The following CASK variants were observed in gnomAD, a reference collection of about 807,000 sequenced individuals.
CASK encodes calcium/calmodulin dependent serine protein kinase.
Under a neutral mutation model 82.9 loss-of-function variants are expected in CASK, and 4 were observed. The observed-to-expected ratio is 0.05, with a 90% CI of 0.02 to 0.11. The LOEUF (loss-of-function observed/expected upper bound fraction) is 0.11. Among genes scored for constraint, CASK ranks in the 10% least tolerant of loss-of-function variants. The probability of loss-of-function intolerance (pLI) is 1.00; values close to 1 mark genes in which losing one functional copy is unlikely to be tolerated. For synonymous variants in CASK, 259 were observed against 253.5 expected, an observed-to-expected ratio of 1.02 and a Z score of -0.20; for missense variants, 358 against 720.9, an observed-to-expected ratio of 0.50 and a Z score of 5.76.
chrX:41,803,800 A>T (rs2070054243), intron 2 of CASK, among the ~76,000 whole-genome samples: 1 of 111,713 alleles, frequency 9.0e-6, no homozygotes, highest in Non-Finnish European at 1.9e-5. Flanking sequence ...CATAGCAAAA[A>T]GGCAATAACT....
chrX:41,692,743 C>A (rs971345630), intron 5 of CASK, among the ~76,000 whole-genome samples: 7 of 111,989 alleles, frequency 6.3e-5, no homozygotes, highest in African/African-American at 2.3e-4. Context: ...CCAGGTGAGA[C>A]CCTACCAGCC....
intron 22 of CASK, among the ~76,000 whole-genome samples, chrX:41,536,265 C>T (rs2064872655): frequency 9.0e-6 from 1 of 110,751 alleles, no homozygotes; most frequent in Non-Finnish European, 1.9e-5. Flanking sequence ...CCTGCCATTA[C>T]GCCCAGACAA....
intron 2 of CASK, among the ~76,000 whole-genome samples, chrX:41,814,948 A>T (rs181157120): frequency 9.0e-6 from 1 of 111,261 alleles, no homozygotes; most frequent in East Asian, 2.8e-4. Context: ...TGAGTACCAA[A>T]TGAGAGCCTG....
intron 15 of CASK, among the ~76,000 whole-genome samples, chrX:41,574,796 T>C (rs1201073770): frequency 8.9e-6 from 1 of 111,988 alleles, no homozygotes; most frequent in Non-Finnish European, 1.9e-5. Context: ...TCTTTTATTT[T>C]TCACTAGAGA....
intron 4 of CASK, among the ~76,000 whole-genome samples, chrX:41,743,933 C>T (rs1383527261): frequency 9.1e-6 from 1 of 110,018 alleles, no homozygotes; most frequent in African/African-American, 3.3e-5. Context: ...CATGGTGAAA[C>T]CCCATCTCTA....
intron 16 of CASK, chrX:41,561,894 G>C: frequency 3.1e-6 from 1 of 323,019 alleles, no homozygotes; most frequent in Non-Finnish European, 5.4e-6. Flanking sequence ...GAGAGAGGTG[G>C]TATGTATAGT....
chrX:41,907,199 C>T (rs1015237951), intron 1 of CASK, among the ~76,000 whole-genome samples: 32 of 112,339 alleles, frequency 2.8e-4, no homozygotes, highest in African/African-American at 9.4e-4. Flanking sequence ...AACAAACTCA[C>T]CAGTAATATA....
At chrX:41,725,149 A>G (rs1302991148) in intron 5 of CASK, among the ~76,000 whole-genome samples, 1 of 112,023 alleles carries the variant, frequency 8.9e-6, no homozygotes, top group African/African-American at 3.2e-5. Context: ...AAAAATAGCA[A>G]AGAAATAAAA....
At chrX:41,732,552 C>T (rs2068415797) in intron 5 of CASK, among the ~76,000 whole-genome samples, 1 of 110,705 alleles carries the variant, frequency 9.0e-6, no homozygotes, top group Non-Finnish European at 1.9e-5. Context: ...TTCAATCCAG[C>T]AGCCTAATGC....
chrX:41,692,156 G>A (rs991437375), intron 5 of CASK, among the ~76,000 whole-genome samples: 1 of 112,243 alleles, frequency 8.9e-6, no homozygotes, highest in Admixed American at 9.5e-5. Context: ...TTAACACAGT[G>A]TCTGGTACAC....
chrX:41,530,992 G>C lies in CASK; in HGVS notation c.2520+15C>G. 1 of 1,196,540 alleles carries C rather than the reference G, an allele frequency of 8.4e-7. No individual in the cohort carries two copies. The highest frequency in any genetic ancestry group is 1.1e-6 in the Non-Finnish European group (1 of 881,873). ...GCAGGCAGGATGTCAGACATTCGGGGAGGCTGGGCATTACCTGAGGCTCCA... is the reference window on the plus strand; with the variant it reads ...GCAGGCAGGATGTCAGACATTCGGGCAGGCTGGGCATTACCTGAGGCTCCA... On this transcript the variant is annotated intron_variant, in intron 25 of 26. Coordinates refer to ENST00000378163, the MANE Select transcript of CASK (RefSeq NM_001367721.1).
At chrX:41,858,506 C>A (rs1019690557) in intron 1 of CASK, among the ~76,000 whole-genome samples, 1 of 111,544 alleles carries the variant, frequency 9.0e-6, no homozygotes, top group Non-Finnish European at 1.9e-5. Context: ...CAGTGCCCCC[C>A]ACCAAATTCC....
Position 41,518,030 on chromosome X carries a change from G to T in CASK, c.*2390C>A. ...TTCTCAGAGGACGTATAAAGCCACT[G>T]AGGATGAGTGCTACAGTGCTTGTGA... is the stretch of plus-strand genomic sequence containing the variant. On this transcript the variant is annotated 3_prime_UTR_variant, in exon 27 of 27. Transcript: ENST00000378163. 1 of 363,578 alleles carries T rather than the reference G, an allele frequency of 2.8e-6. No homozygotes were observed. Among genetic ancestry groups the T allele is most frequent in the Non-Finnish European group, 4.8e-6 (1 of 206,233 alleles). The allele number at this position is 363,578 out of a possible 1,213,427, so 30.0% of individuals were successfully genotyped here. A position where few individuals can be genotyped will look rare whatever the true frequency, so the allele number is the denominator to read the frequency against.
At chrX:41,580,462 T>C (rs2065557797) in intron 14 of CASK, among the ~76,000 whole-genome samples, 3 of 111,803 alleles carry the variant, frequency 2.7e-5, no homozygotes, top group Non-Finnish European at 5.6e-5. Context: ...ATTACAGGCC[T>C]CTACTCATTC....
At chrX:41,786,442 C>A (rs2069605386) in intron 3 of CASK, among the ~76,000 whole-genome samples, 1 of 104,793 alleles carries the variant, frequency 9.5e-6, no homozygotes, top group Non-Finnish European at 1.9e-5. Flanking sequence ...GTATGTTTCC[C>A]AGGCTGGTCT....
At chrX:41,788,777 T>C (rs1029081849) in intron 2 of CASK, among the ~76,000 whole-genome samples, 19 of 111,703 alleles carry the variant, frequency 1.7e-4, no homozygotes, top group African/African-American at 5.2e-4. Context: ...CCAGAAAAGG[T>C]AATGAGAATC....
At chrX:41,743,438 G>GAA (rs930022134) in intron 4 of CASK, 1 of 263,481 alleles carries the variant, frequency 3.8e-6, no homozygotes, top group African/African-American at 2.8e-5. Context: ...TTGCACAAAA[G>GAA]AAAAGAGAAT....
In CASK at chrX:41,773,839, G is replaced by A. The variant is rs142675031; in HGVS notation, c.278+13339C>T. 9.2e-4 allele frequency among the ~76,000 whole-genome samples: 103 copies of A among 111,559 alleles called. 1 individual carries two copies. The highest frequency in any genetic ancestry group is 3.2e-3 in the African/African-American group (99 of 30,744). ...AGGGCACTTACCATGAATGGAACTTGCATTCATGGAACTTGCTCTGGGTGA... is the reference window on the plus strand; with the variant it reads ...AGGGCACTTACCATGAATGGAACTTACATTCATGGAACTTGCTCTGGGTGA... On this transcript the variant is annotated intron_variant, in intron 3 of 26. Transcript: ENST00000378163.
intron 25 of CASK, 110 bp from the exon 26 acceptor site, chrX:41,524,144 G>T: frequency 1.6e-6 from 1 of 607,117 alleles, no homozygotes; most frequent in Non-Finnish European, 2.6e-6. Flanking sequence ...CAAGCTCTTG[G>T]CTCAAATTTT....
Sources: allele counts gnomAD v4.1 joint callset (sites outside exome capture counted in the v4.1 genomes callset), GRCh38; gene constraint gnomAD v4.1.1; transcripts MANE v1.5; gene names NCBI Gene and HGNC (gene_info 2026-07-23, HGNC 2026-07-21).